ROBO1: variants seen among roughly 807,000 people sequenced by gnomAD.
ROBO1 encodes roundabout guidance receptor 1.
ROBO1 carries 149 observed loss-of-function variants against 195.9 expected under a neutral mutation model. The observed-to-expected ratio is 0.76, with a 90% CI of 0.67 to 0.87. ROBO1 has a LOEUF of 0.87. Among genes scored for constraint, ROBO1 ranks in the 40% least tolerant of loss-of-function variants. ROBO1 has a pLI of 0.00. For synonymous variants in ROBO1, 816 were observed against 733.2 expected, an observed-to-expected ratio of 1.11 and a Z score of -1.82; for missense variants, 1,933 against 2,068.3, an observed-to-expected ratio of 0.93 and a Z score of 1.27.
intron 4 of ROBO1, among the ~76,000 whole-genome samples, chr3:78,810,786 T>C (rs2084713622): frequency 6.6e-6 from 1 of 152,134 alleles, no homozygotes; most frequent in South Asian, 2.1e-4. Flanking sequence ...TCTTAAAAGA[T>C]CACCTTTGCC....
chr3:79,399,654 C>A (rs190188066), intron 2 of ROBO1, among the ~76,000 whole-genome samples: 1 of 152,112 alleles, frequency 6.6e-6, no homozygotes, highest in Admixed American at 6.6e-5. Context: ...TGAAAAATGA[C>A]CACATATCTC....
intron 2 of ROBO1, among the ~76,000 whole-genome samples, chr3:79,381,371 A>AG (rs2036567357): frequency 1.4e-5 from 2 of 142,080 alleles, no homozygotes; most frequent in Non-Finnish European, 3.1e-5. Flanking sequence ...AAAAAAAAAA[A>AG]AAAAAAGAAA....
intron 2 of ROBO1, among the ~76,000 whole-genome samples, chr3:79,588,673 C>T (rs1943904346): frequency 6.6e-6 from 1 of 151,586 alleles, no homozygotes; most frequent in South Asian, 2.1e-4. Context: ...TCTTAATACT[C>T]AACAGAGTTG....
At chr3:79,137,942 A>C (rs2080445015) in intron 2 of ROBO1, among the ~76,000 whole-genome samples, 1 of 152,066 alleles carries the variant, frequency 6.6e-6, no homozygotes, top group African/African-American at 2.4e-5. Flanking sequence ...TAAGCATATC[A>C]CCAGAACTTC....
intron 3 of ROBO1, among the ~76,000 whole-genome samples, chr3:78,963,675 G>T (rs1036710441): frequency 1.3e-5 from 2 of 151,416 alleles, no homozygotes; most frequent in Non-Finnish European, 2.9e-5. Flanking sequence ...CCGCCACCAC[G>T]CCTGGCTAAT....
intron 2 of ROBO1, among the ~76,000 whole-genome samples, chr3:79,192,776 A>C (rs186563198): frequency 1.1e-4 from 16 of 151,750 alleles, no homozygotes; most frequent in Non-Finnish European, 1.5e-5. Flanking sequence ...TCTTTTACTT[A>C]AGAGGAATAG....
At chr3:79,757,302 A>C (rs143890208) in intron 1 of ROBO1, among the ~76,000 whole-genome samples, 1 of 152,248 alleles carries the variant, frequency 6.6e-6, no homozygotes, top group African/African-American at 2.4e-5. Flanking sequence ...TTTTGTTTGA[A>C]GTCTTAATTA....
At chr3:78,973,410 T>C (rs1020604983) in intron 3 of ROBO1, among the ~76,000 whole-genome samples, 5 of 147,174 alleles carry the variant, frequency 3.4e-5, no homozygotes, top group Non-Finnish European at 7.4e-5. Context: ...CTTTCATATA[T>C]ATATATATAT....
chr3:79,245,529 T>C (rs916546792), intron 2 of ROBO1, among the ~76,000 whole-genome samples: 6 of 151,944 alleles, frequency 3.9e-5, no homozygotes, highest in African/African-American at 1.4e-4. Context: ...TTTCCAGATA[T>C]GTGTTGGGGA....
chr3:79,343,109 T>C (rs1316448090), intron 2 of ROBO1, among the ~76,000 whole-genome samples: 3 of 152,204 alleles, frequency 2.0e-5, no homozygotes, highest in African/African-American at 7.2e-5. Context: ...GTATGTAGCC[T>C]TTTCAGATTG....
chr3:79,485,106 T>C (rs538874014), intron 2 of ROBO1, among the ~76,000 whole-genome samples: 3 of 152,186 alleles, frequency 2.0e-5, no homozygotes, highest in African/African-American at 7.2e-5. Flanking sequence ...GAGATTTTCC[T>C]ATATTAATTG....
At chr3:79,278,086 T>C (rs921688422) in intron 2 of ROBO1, among the ~76,000 whole-genome samples, 1 of 151,920 alleles carries the variant, frequency 6.6e-6, no homozygotes, top group Admixed American at 6.6e-5. Context: ...ATAAATAAAA[T>C]ATCTAGTAAT....
chr3:78,767,594 A>G (rs1241897221), intron 4 of ROBO1, among the ~76,000 whole-genome samples: 1 of 152,100 alleles, frequency 6.6e-6, no homozygotes, highest in Non-Finnish European at 1.5e-5. Context: ...TACCATTTCA[A>G]TCTCACTCCT....
At chr3:79,092,154 G>GT (rs1252816878) in intron 3 of ROBO1, among the ~76,000 whole-genome samples, 1 of 152,134 alleles carries the variant, frequency 6.6e-6, no homozygotes, top group African/African-American at 2.4e-5. Context: ...GTTAATACAC[G>GT]TATTTGAAGG....
At chr3:78,852,713 T>C (rs895792455) in intron 4 of ROBO1, among the ~76,000 whole-genome samples, 4 of 152,152 alleles carry the variant, frequency 2.6e-5, no homozygotes, top group Non-Finnish European at 5.9e-5. Context: ...GATTTTACCA[T>C]GAAGGCAATA....
At chr3:79,708,091 C>T (rs373457254) in intron 1 of ROBO1, among the ~76,000 whole-genome samples, 3 of 151,990 alleles carry the variant, frequency 2.0e-5, no homozygotes, top group East Asian at 1.9e-4. Flanking sequence ...GGCATATTGA[C>T]CATTTTGCGT....
intron 2 of ROBO1, among the ~76,000 whole-genome samples, chr3:79,184,785 T>C (rs764932075): frequency 6.6e-6 from 1 of 152,130 alleles, no homozygotes; most frequent in Non-Finnish European, 1.5e-5. Flanking sequence ...AGCCTTTCGA[T>C]TGTATGTATT....
chr3:78,747,946 C>T (rs560033783), intron 4 of ROBO1, among the ~76,000 whole-genome samples: 62 of 152,126 alleles, frequency 4.1e-4, no homozygotes, highest in Non-Finnish European at 7.6e-4. Context: ...AATACTTTTG[C>T]TTCCCTTTTC....
chr3:79,715,803 T>G (rs1702459302), intron 1 of ROBO1, among the ~76,000 whole-genome samples: 1 of 152,104 alleles, frequency 6.6e-6, no homozygotes, highest in Admixed American at 6.6e-5. Flanking sequence ...TTAACCACAT[T>G]CATTTCAAAT....
Sources: allele counts gnomAD v4.1 joint callset (sites outside exome capture counted in the v4.1 genomes callset), GRCh38; gene constraint gnomAD v4.1.1; transcripts MANE v1.5; gene names NCBI Gene and HGNC (gene_info 2026-07-23, HGNC 2026-07-21).